RSL1D1: variants seen among roughly 807,000 people sequenced by gnomAD.
RSL1D1 encodes the protein ribosomal L1 domain containing 1, also known as ribosomal L1 domain-containing protein 1.
In RSL1D1, 34 loss-of-function variants were observed where a neutral mutation model predicts 44.6. That is an observed-to-expected ratio of 0.76 (90% CI 0.58 to 1.02). The LOEUF (loss-of-function observed/expected upper bound fraction) is 1.02. Ranked by LOEUF, RSL1D1 falls within the 50% of genes least tolerant of loss-of-function variation. The probability of loss-of-function intolerance (pLI) is 0.00; values close to 1 mark genes in which losing one functional copy is unlikely to be tolerated. For synonymous variants in RSL1D1, 271 were observed against 207.4 expected (o/e 1.31, Z -2.63); for missense variants, 767 against 568.1 (o/e 1.35, Z -3.56).
chr16:11,837,985 C>T lies in RSL1D1; in HGVS notation c.1275G>A (p.Gly425=). The T allele has an allele frequency of 6.2e-7, 1 of 1,613,996 alleles. No individual in the cohort carries two copies. Among genetic ancestry groups the T allele is most frequent in the South Asian group, 1.1e-5 (1 of 91,084 alleles). Residue 425 remains glycine (G), a synonymous_variant, in exon 9 of 9, where the codon GGG becomes GGA. Transcript: ENST00000571133. ...TTTTTGGCTTCTTCTCTGGGCTTTTCCCTGGGGTCTCAGACTCTGCAGCTT... is the reference window on the plus strand; with the variant it reads ...TTTTTGGCTTCTTCTCTGGGCTTTTTCCTGGGGTCTCAGACTCTGCAGCTT... ...TPKAAESETP[G]KSPEKKPKIK...
Position 11,846,497 on chromosome 16 carries a change from C to G in RSL1D1, c.635+4G>C, listed in dbSNP as rs777537510. 2.7e-6 allele frequency: 4 copies of G among 1,467,138 alleles called. No individual in the cohort carries two copies. Among genetic ancestry groups the G allele is most frequent in the Admixed American group, 2.0e-5 (1 of 49,130 alleles). The allele number at this position is 1,467,138 out of a possible 1,614,324, so 90.9% of individuals were successfully genotyped here. A position where few individuals can be genotyped will look rare whatever the true frequency, so the allele number is the denominator to read the frequency against. On this transcript the variant is annotated splice_donor_region_variant and intron_variant, in intron 5 of 8. Transcript: ENST00000571133. ...AGAGGCACACATGAATGCCTTTTACCTACCTGCAAGAACCACTTTTAGAAA... is the reference window on the plus strand; with the variant it reads ...AGAGGCACACATGAATGCCTTTTACGTACCTGCAAGAACCACTTTTAGAAA...
chr16:11,843,956 T>A (rs2053781773), intron 5 of RSL1D1, among the ~76,000 whole-genome samples: 1 of 150,306 alleles, frequency 6.7e-6, no homozygotes, highest in Non-Finnish European at 1.5e-5. Context: ...AGACCATCCC[T>A]TCAGGTGAAA....
Position 11,841,893 on chromosome 16 carries a change from C to G in RSL1D1, c.729+14G>C. The G allele has an allele frequency of 6.2e-7, 1 of 1,612,638 alleles. No homozygotes were observed. Among genetic ancestry groups the G allele is most frequent in the Non-Finnish European group, 8.5e-7 (1 of 1,179,186 alleles). On this transcript the variant is annotated intron_variant, in intron 6 of 8. Transcript: ENST00000571133. Reference sequence around the variant, plus strand: ...TTAAATGAACAATCAATTGATGCACCTGTAATACTGTACCTCTGGCAATTT... The same window carrying G: ...TTAAATGAACAATCAATTGATGCACGTGTAATACTGTACCTCTGGCAATTT...
At chr16:11,849,100 A>T (rs971331806) in intron 2 of RSL1D1, among the ~76,000 whole-genome samples, 2 of 152,102 alleles carry the variant, frequency 1.3e-5, no homozygotes, top group African/African-American at 4.8e-5. Flanking sequence ...TTAAGAATTG[A>T]AACAGCCCAG....
chr16:11,847,009 G>A (rs900014319), intron 3 of RSL1D1, among the ~76,000 whole-genome samples, 166 bp from the exon 4 acceptor site: 5 of 152,142 alleles, frequency 3.3e-5, no homozygotes, highest in South Asian at 4.1e-4. Context: ...TACGCTACAT[G>A]CTGGGAACAC....
chr16:11,847,541 CCA>C lies in RSL1D1; in HGVS notation c.384+125_384+126del. On this transcript the variant is annotated intron_variant, in intron 3 of 8. Coordinates refer to ENST00000571133, the MANE Select transcript of RSL1D1 (RefSeq NM_015659.3). ...ATAAAAGCTACTGATGTACACGCCA[CCA>C]CAAATTAAATTAAAAAGAGAAAAGT... The C allele has an allele frequency of 7.2e-6, 6 of 831,076 alleles. No homozygotes were observed. The East Asian group carries it at 1.5e-4, about 20-fold the overall frequency. 51.5% of individuals were successfully genotyped at this position (831,076 alleles called of 1,614,324 possible).
At chr16:11,850,255 C>A in intron 2 of RSL1D1, 24 bp downstream of exon 2, 1 of 1,555,828 alleles carries the variant, frequency 6.4e-7, no homozygotes, top group Non-Finnish European at 8.6e-7. Flanking sequence ...ATAAAAACAG[C>A]AAAGGTAGAA....
Position 11,835,817 on chromosome 16 carries a change from A to C in RSL1D1, c.*1970T>G, listed in dbSNP as rs1048835424. The stretch of plus-strand genomic sequence containing the variant: ...AGGGCTTGCATTCTGACATAATGTA[A>C]AAGAGTCTTGGAATATGTCCAGGGT... On this transcript the variant is annotated 3_prime_UTR_variant, in exon 9 of 9. Coordinates refer to ENST00000571133, the MANE Select transcript of RSL1D1 (RefSeq NM_015659.3). 2 of 152,244 alleles carry C rather than the reference A, an allele frequency of 1.3e-5. No homozygotes were observed. Among genetic ancestry groups the C allele is most frequent in the African/African-American group, 4.8e-5 (2 of 41,452 alleles). The allele number at this position is 152,244 out of a possible 1,614,324, so 9.4% of individuals were successfully genotyped here.
chr16:11,847,914 G>A (rs1426764444), intron 2 of RSL1D1, 108 bp from the exon 3 acceptor site: 2 of 1,159,444 alleles, frequency 1.7e-6, no homozygotes, highest in Non-Finnish European at 2.5e-6. Context: ...ATAACTTTTA[G>A]TCATGCTAGT....
chr16:11,851,481 G>T lies in RSL1D1; in HGVS notation c.32C>A (p.Ser11Tyr). Residue 11 changes from serine (S) to tyrosine (Y), a missense_variant, in exon 1 of 9, where the codon TCT becomes TAT. By Grantham distance (144) the Ser-to-Tyr change is moderately radical (BLOSUM62 -2). Coordinates refer to ENST00000571133, the MANE Select transcript of RSL1D1 (RefSeq NM_015659.3). The part of the protein sequence containing the change: MEDSASASLS[S>Y]AAATGTSTST... The stretch of plus-strand genomic sequence containing the variant: ...GGTGGAGGTTCCAGTAGCGGCTGCA[G>T]AAGACAGCGAGGCCGAGGCCGAATC... 6.2e-7 allele frequency: 1 copy of T among 1,614,046 alleles called. No individual in the cohort carries two copies. The highest frequency in any genetic ancestry group is 8.5e-7 in the Non-Finnish European group (1 of 1,179,982).
Position 11,836,068 on chromosome 16 carries a change from G to T in RSL1D1, c.*1719C>A, listed in dbSNP as rs1026544324. The stretch of plus-strand genomic sequence containing the variant: ...AACCTGCTCTCCATCATCTCAAGTA[G>T]CAGAGCAAATGCTAAACCATCACAG... On this transcript the variant is annotated 3_prime_UTR_variant, in exon 9 of 9. Transcript: ENST00000571133. 4 of 152,172 alleles carry T rather than the reference G, an allele frequency of 2.6e-5. No individual in the cohort carries two copies. The highest frequency in any genetic ancestry group is 9.7e-5 in the African/African-American group (4 of 41,446). 9.4% of individuals were successfully genotyped at this position (152,172 alleles called of 1,614,324 possible). A position where few individuals can be genotyped will look rare whatever the true frequency, so the allele number is the denominator to read the frequency against.
chr16:11,837,794 G>A lies in RSL1D1; in HGVS notation c.1466C>T (p.Ser489Leu), dbSNP rs1567416935. ...KWPKKPKVPQ[S>L]T ...CCAGTTGAATCACTGACTTTAGGTC[G>A]ACTGGGGTACTTTGGGTTTTTTGGG... The change falls in exon 9 of 9, where the codon TCG (serine) becomes TTG (leucine). Residue 489 changes from serine to leucine, a missense_variant. Ser to Leu is a moderately radical substitution (Grantham distance 145, BLOSUM62 -2). Coordinates refer to ENST00000571133, the MANE Select transcript of RSL1D1 (RefSeq NM_015659.3). 1.2e-6 allele frequency: 2 copies of A among 1,604,348 alleles called. No homozygotes were observed. The highest frequency in any genetic ancestry group is 1.1e-5 in the South Asian group (1 of 89,874).
chr16:11,839,675 A>T lies in RSL1D1; in HGVS notation c.1146+20T>A, dbSNP rs779661940. ...GCCACTGAACCAATCCATTATGAAC[A>T]GTAAATATTAAAACAATACCTCTAC... is the stretch of plus-strand genomic sequence containing the variant. On this transcript the variant is annotated intron_variant, in intron 8 of 8. Transcript: ENST00000571133. 7 of 1,612,746 alleles carry T rather than the reference A, an allele frequency of 4.3e-6. No homozygotes were observed. The highest frequency in any genetic ancestry group is 2.2e-5 in the East Asian group (1 of 44,880).
At chr16:11,845,678 A>C (rs2053792619) in intron 5 of RSL1D1, among the ~76,000 whole-genome samples, 1 of 152,082 alleles carries the variant, frequency 6.6e-6, no homozygotes, top group Non-Finnish European at 1.5e-5. Context: ...CATTTCCATC[A>C]CAGTAGAAAG....
In RSL1D1 at chr16:11,835,743, A is replaced by C. The variant is rs1488837133; in HGVS notation, c.*2044T>G. Reference sequence around the variant, plus strand: ...TCAAGCAATCCACCCAGCGTTCCAAAGTGCTGGGATTATGTTGCGAAAAGC... The same window carrying C: ...TCAAGCAATCCACCCAGCGTTCCAACGTGCTGGGATTATGTTGCGAAAAGC... On this transcript the variant is annotated 3_prime_UTR_variant, in exon 9 of 9. Coordinates refer to ENST00000571133, the MANE Select transcript of RSL1D1 (RefSeq NM_015659.3). 1 of 152,356 alleles carries C rather than the reference A, an allele frequency of 6.6e-6. No homozygotes were observed. Among genetic ancestry groups the C allele is most frequent in the African/African-American group, 2.4e-5 (1 of 41,462 alleles). 9.4% of individuals were successfully genotyped at this position (152,356 alleles called of 1,614,324 possible).
At chr16:11,838,829 C>T (rs1274595617) in intron 8 of RSL1D1, among the ~76,000 whole-genome samples, 5 of 145,050 alleles carry the variant, frequency 3.4e-5, no homozygotes, top group Admixed American at 1.4e-4. Flanking sequence ...TGCACTCCAT[C>T]CTGGGCAACA....
At chr16:11,847,358 G>A (rs1020786723) in intron 3 of RSL1D1, among the ~76,000 whole-genome samples, 41 of 152,170 alleles carry the variant, frequency 2.7e-4, no homozygotes, top group African/African-American at 9.6e-4. Flanking sequence ...CTGGGCGACA[G>A]AGCGAGACTC....
chr16:11,846,168 G>A (rs1314568813), intron 5 of RSL1D1, among the ~76,000 whole-genome samples: 3 of 151,526 alleles, frequency 2.0e-5, no homozygotes, highest in Non-Finnish European at 2.9e-5. Flanking sequence ...CAAGGCGGGC[G>A]GATCATGAGG....
In RSL1D1 at chr16:11,850,401, G is replaced by A. The variant is rs138791449; in HGVS notation, c.123C>T (p.Asp41=). The A allele has an allele frequency of 6.7e-4, 1,069 of 1,595,722 alleles. 4 individuals are homozygous for A. The highest frequency in any genetic ancestry group is 2.3e-3 in the Middle Eastern group (14 of 6,022). The change falls in exon 2 of 9, where the codon GAC becomes GAT. Residue 41 remains aspartate (D), a synonymous_variant. Transcript: ENST00000571133. ...LDKEQVRKAV[D]ALLTHCKSRK... Reference sequence around the variant, plus strand: ...TGGACTTGCAATGCGTCAAGAGAGCGTCCACTGCCTTTCTAACCTGCAAAG... The same window carrying A: ...TGGACTTGCAATGCGTCAAGAGAGCATCCACTGCCTTTCTAACCTGCAAAG...
Sources: allele counts gnomAD v4.1 joint callset (sites outside exome capture counted in the v4.1 genomes callset), GRCh38; gene constraint gnomAD v4.1.1; transcripts MANE v1.5; gene names NCBI Gene and HGNC (gene_info 2026-07-23, HGNC 2026-07-21).